Variants in F13A1 observed in about 807,000 individuals in gnomAD.
F13A1 encodes coagulation factor XIII A chain.
F13A1 carries 47 observed loss-of-function variants against 80.1 expected under a neutral mutation model. The ratio of observed to expected loss-of-function variants is 0.59; its 90% CI spans 0.46 to 0.75. The LOEUF (loss-of-function observed/expected upper bound fraction) is 0.75, where lower values mean the gene tolerates loss of function less well. Ranked by LOEUF, F13A1 falls within the 30% of genes least tolerant of loss-of-function variation. The probability of loss-of-function intolerance (pLI) is 0.00; values close to 1 mark genes in which losing one functional copy is unlikely to be tolerated. For synonymous variants in F13A1, 349 were observed against 344.9 expected (o/e 1.01, Z -0.13); for missense variants, 817 against 930.4 (o/e 0.88, Z 1.59).
At chr6:6,157,715 T>C (rs1760501103) in intron 13 of F13A1, among the ~76,000 whole-genome samples, 1 of 152,314 alleles carries the variant, frequency 6.6e-6, no homozygotes, top group East Asian at 1.9e-4. Flanking sequence ...TTTTCTCTTT[T>C]AAAAATGAGA....
intron 8 of F13A1, among the ~76,000 whole-genome samples, chr6:6,218,818 C>A (rs1272142154): frequency 1.3e-5 from 2 of 152,178 alleles, no homozygotes; most frequent in Non-Finnish European, 2.9e-5. Flanking sequence ...GAGACAGAGC[C>A]AAACTTGTCA....
At chr6:6,271,343 G>A (rs1015740403) in intron 3 of F13A1, among the ~76,000 whole-genome samples, 2 of 152,148 alleles carry the variant, frequency 1.3e-5, no homozygotes, top group African/African-American at 2.4e-5. Flanking sequence ...TCAGCCCCAG[G>A]AGTCGGCATG....
At chr6:6,159,636 G>T (rs532708284) in intron 13 of F13A1, among the ~76,000 whole-genome samples, 1 of 152,270 alleles carries the variant, frequency 6.6e-6, no homozygotes, top group South Asian at 2.1e-4. Context: ...AATCTGCACA[G>T]GGGTGAGTGC....
Position 6,270,114 on chromosome 6 carries a change from G to A in F13A1, c.320-3305C>T, listed in dbSNP as rs546302905. 1.9e-4 allele frequency among the ~76,000 whole-genome samples: 29 copies of A among 152,326 alleles called. 1 individual carries two copies. The South Asian group carries it at 6.0e-3, about 32-fold the overall frequency. ...CCTACTCTTGTAAGAGCAGAGTTGAGTAGTTGTGACAGAGTCCCTATGGTC... is the reference window on the plus strand; with the variant it reads ...CCTACTCTTGTAAGAGCAGAGTTGAATAGTTGTGACAGAGTCCCTATGGTC... On this transcript the variant is annotated intron_variant, in intron 3 of 14. Coordinates refer to ENST00000264870, the MANE Select transcript of F13A1 (RefSeq NM_000129.4).
At chr6:6,262,703 C>T (rs1757793884) in intron 4 of F13A1, among the ~76,000 whole-genome samples, 1 of 148,440 alleles carries the variant, frequency 6.7e-6, no homozygotes, top group African/African-American at 2.5e-5. Flanking sequence ...CTTTACACTT[C>T]ACTGACAAAA....
chr6:6,319,910 G>A (rs577123822), intron 1 of F13A1, among the ~76,000 whole-genome samples: 1 of 152,216 alleles, frequency 6.6e-6, no homozygotes, highest in Non-Finnish European at 1.5e-5. Context: ...GCGAAAAAGG[G>A]TTAATGATAG....
intron 13 of F13A1, among the ~76,000 whole-genome samples, chr6:6,166,233 T>C (rs185626221): frequency 1.1e-4 from 16 of 152,264 alleles, no homozygotes; most frequent in Admixed American, 9.1e-4. Flanking sequence ...CCTTGTGGGG[T>C]TGTTGGTGGT....
chr6:6,195,869 G>T lies in F13A1; in HGVS notation c.1233C>A (p.Gly411=). The change falls in exon 10 of 15, where the codon GGC becomes GGA. Residue 411 remains glycine (G), a synonymous_variant. Transcript: ENST00000264870. Reference sequence around the variant, plus strand: ...GCTTGATGGCTTGAACCGAGGCGGGGCCACACCGATACATGCCTGCATTGC... The same window carrying T: ...GCTTGATGGCTTGAACCGAGGCGGGTCCACACCGATACATGCCTGCATTGC... ...QENSDGMYRC[G]PASVQAIKHG... is the part of the protein sequence containing the mutation. 6.2e-7 allele frequency: 1 copy of T among 1,614,162 alleles called. No individual in the cohort carries two copies. The highest frequency in any genetic ancestry group is 1.1e-5 in the South Asian group (1 of 91,082).
chr6:6,184,319 C>T lies in F13A1; in HGVS notation c.1306-2178G>A, dbSNP rs527627199. 2.0e-3 allele frequency among the ~76,000 whole-genome samples: 308 copies of T among 152,340 alleles called. 1 individual carries two copies. Among genetic ancestry groups the T allele is most frequent in the African/African-American group, 7.1e-3 (295 of 41,578 alleles). ...CCCATAACCTGGCCCTTGGCCTTCA[C>T]GGCACACCGCCTTTCCCACACCACC... On this transcript the variant is annotated intron_variant, in intron 10 of 14. Transcript: ENST00000264870.
chr6:6,287,440 G>C (rs544471096), intron 3 of F13A1, among the ~76,000 whole-genome samples: 2 of 152,270 alleles, frequency 1.3e-5, no homozygotes, highest in South Asian at 2.1e-4. Flanking sequence ...TGAAGACAGA[G>C]AGAAACAGAC....
chr6:6,217,422 A>T lies in F13A1; in HGVS notation c.1112+4611T>A, dbSNP rs28537693. Among the ~76,000 whole-genome samples the T allele has an allele frequency of 2.9e-3, 435 of 151,172 alleles. 4 individuals are homozygous for T. Among genetic ancestry groups the T allele is most frequent in the African/African-American group, 0.01 (417 of 41,200 alleles). The stretch of plus-strand genomic sequence containing the variant: ...AAATCATCATTCTCAGTAAACTATC[A>T]CAAGAACAAAAAACCAAACACCGCA... On this transcript the variant is annotated intron_variant, in intron 8 of 14. Coordinates refer to ENST00000264870, the MANE Select transcript of F13A1 (RefSeq NM_000129.4).
intron 3 of F13A1, among the ~76,000 whole-genome samples, chr6:6,274,324 C>T (rs989311941): frequency 3.9e-4 from 59 of 152,342 alleles, no homozygotes; most frequent in African/African-American, 1.4e-3. Context: ...CTTAAAGCCT[C>T]TTTTGGAGTA....
At chr6:6,219,973 G>C (rs563901429) in intron 8 of F13A1, among the ~76,000 whole-genome samples, 1 of 152,310 alleles carries the variant, frequency 6.6e-6, no homozygotes, top group East Asian at 1.9e-4. Flanking sequence ...GTGAAGCAGG[G>C]AATATTGTTC....
intron 4 of F13A1, among the ~76,000 whole-genome samples, chr6:6,266,239 T>C (rs891995165): frequency 3.9e-5 from 6 of 152,206 alleles, no homozygotes; most frequent in Non-Finnish European, 7.3e-5. Flanking sequence ...CTTGTTTTTT[T>C]TCTTTTTTCA....
intron 6 of F13A1, among the ~76,000 whole-genome samples, chr6:6,228,447 T>G (rs1425987208): frequency 6.6e-6 from 1 of 152,036 alleles, no homozygotes; most frequent in Admixed American, 6.6e-5. Context: ...ATAAATATAA[T>G]CAAAATGCTG....
In F13A1 at chr6:6,297,231, G is replaced by A. The variant is rs924918585; in HGVS notation, c.319+8120C>T. Among the ~76,000 whole-genome samples, 72 of 152,090 alleles carry A rather than the reference G, an allele frequency of 4.7e-4. 1 individual carries two copies. Among genetic ancestry groups the A allele is most frequent in the African/African-American group, 1.4e-3 (60 of 41,402 alleles). On this transcript the variant is annotated intron_variant, in intron 3 of 14. Coordinates refer to ENST00000264870, the MANE Select transcript of F13A1 (RefSeq NM_000129.4). ...CTCTTTTTTGGTTGTGTCTCTGCCCGGCTTTGGTATCAGGATGATGCTGGC... is the reference window on the plus strand; with the variant it reads ...CTCTTTTTTGGTTGTGTCTCTGCCCAGCTTTGGTATCAGGATGATGCTGGC...
intron 8 of F13A1, among the ~76,000 whole-genome samples, chr6:6,201,229 A>G (rs1761388091): frequency 6.6e-6 from 1 of 152,190 alleles, no homozygotes; most frequent in Admixed American, 6.5e-5. Flanking sequence ...TGAGGATAAT[A>G]TTTCTTTTCA....
At chr6:6,230,427 G>C (rs1037645202) in intron 6 of F13A1, among the ~76,000 whole-genome samples, 2 of 152,070 alleles carry the variant, frequency 1.3e-5, no homozygotes, top group African/African-American at 4.8e-5. Context: ...CCCCACAGCA[G>C]CTGCAGCAAG....
At chr6:6,152,132 T>C (rs1760390633) in intron 13 of F13A1, among the ~76,000 whole-genome samples, 183 bp from the exon 14 acceptor site, 1 of 152,150 alleles carries the variant, frequency 6.6e-6, no homozygotes, top group African/African-American at 2.4e-5. Context: ...GAGATGGAAA[T>C]TTACTAATTA....
Sources: allele counts gnomAD v4.1 joint callset (sites outside exome capture counted in the v4.1 genomes callset), GRCh38; gene constraint gnomAD v4.1.1; transcripts MANE v1.5; gene names NCBI Gene and HGNC (gene_info 2026-07-23, HGNC 2026-07-21).